CDH4: variants seen among roughly 807,000 people sequenced by gnomAD.
CDH4 encodes cadherin-4.
CDH4 carries 33 observed loss-of-function variants against 86.0 expected under a neutral mutation model. The observed-to-expected ratio is 0.38, with a 90% CI of 0.29 to 0.51. The LOEUF (loss-of-function observed/expected upper bound fraction) is 0.51, where lower values mean the gene tolerates loss of function less well. CDH4 is among the 20% of genes least tolerant of loss of function. The pLI, the probability that CDH4 is intolerant of heterozygous loss-of-function variation, is 0.86. For synonymous variants in CDH4, 555 were observed against 549.4 expected (o/e 1.01, Z -0.14); for missense variants, 1,114 against 1,307.4 (o/e 0.85, Z 2.28).
Position 61,565,281 on chromosome 20 carries a change from ATGGGGTGATGGTGGTGGCGGTGCTCT to A in CDH4, c.170-178278_170-178253del, listed in dbSNP as rs1568688808. Among the ~76,000 whole-genome samples, 62 of 56,492 alleles carry A rather than the reference ATGGGGTGATGGTGGTGGCGGTGCTCT, an allele frequency of 1.1e-3. 8 individuals carry two copies. Among genetic ancestry groups the A allele is most frequent in the Admixed American group, 2.1e-3 (10 of 4,834 alleles). The allele number at this position is 56,492 out of a possible 152,430, so 37.1% of individuals were successfully genotyped here. A position where few individuals can be genotyped will look rare whatever the true frequency, so the allele number is the denominator to read the frequency against. On this transcript the variant is annotated intron_variant, in intron 2 of 15. Coordinates refer to ENST00000614565, the MANE Select transcript of CDH4 (RefSeq NM_001794.5). ...GATGGTGGTGGTGGTCCTCTTGGTG[ATGGGGTGATGGTGGTGGCGGTGCTCT>A]TGGTGGTGGCGGTGCTCTTGGTGAT...
chr20:61,437,980 G>C (rs2085294191), intron 2 of CDH4, among the ~76,000 whole-genome samples: 1 of 152,176 alleles, frequency 6.6e-6, no homozygotes, highest in Non-Finnish European at 1.5e-5. Context: ...GAACCACTCA[G>C]CTCCACCACT....
At chr20:61,706,560 C>T (rs2087832564) in intron 2 of CDH4, among the ~76,000 whole-genome samples, 1 of 152,162 alleles carries the variant, frequency 6.6e-6, no homozygotes, top group African/African-American at 2.4e-5. Context: ...GAAAGGCCAG[C>T]CCAAATGGAA....
At chr20:61,339,328 A>G (rs1227707007) in intron 2 of CDH4, among the ~76,000 whole-genome samples, 1 of 152,148 alleles carries the variant, frequency 6.6e-6, no homozygotes, top group African/African-American at 2.4e-5. Flanking sequence ...GATGGTGATG[A>G]TGATGATGGT....
At position 61,773,352 on chromosome 20, in the gene CDH4, G is replaced by A. The variant is rs190168347; in HGVS notation, c.576+170G>A. Among the ~76,000 whole-genome samples the A allele has an allele frequency of 1.1e-4, 17 of 152,348 alleles. No homozygotes were observed. In the South Asian group the frequency reaches 1.9e-3, roughly 17 times the overall value. ...ACACAGCGCGATGAAAAATTCAGGCGGGGAAGCTGCGTCCTCCGCGGTGGA... is the reference window on the plus strand; with the variant it reads ...ACACAGCGCGATGAAAAATTCAGGCAGGGAAGCTGCGTCCTCCGCGGTGGA... On this transcript the variant is annotated intron_variant, in intron 4 of 15. Transcript: ENST00000614565.
rs1027824125 is a variant in CDH4 at position 61,724,621 on chromosome 20, T to C, written c.170-18942T>C. Among the ~76,000 whole-genome samples the C allele has an allele frequency of 7.2e-4, 110 of 152,194 alleles. 2 individuals are homozygous for C. The highest frequency in any genetic ancestry group is 1.2e-3 in the African/African-American group (51 of 41,456). On this transcript the variant is annotated intron_variant, in intron 2 of 15. Transcript: ENST00000614565. ...GCCCCTTCGCCCCGACCCCGGGCTG[T>C]ACTGTGGCCATCAGGGCTGTCCACT...
In CDH4 at chr20:61,553,920, G is replaced by A. The variant is rs1165183737; in HGVS notation, c.170-189643G>A. 3.3e-5 allele frequency among the ~76,000 whole-genome samples: 5 copies of A among 152,152 alleles called. 1 individual carries two copies. The highest frequency in any genetic ancestry group is 2.6e-4 in the Admixed American group (4 of 15,282). Reference sequence around the variant, plus strand: ...ACTGTGAGCTTCAAGGTGAGCCTCAGATGCAACTAATAATTTACAGCATTG... The same window carrying A: ...ACTGTGAGCTTCAAGGTGAGCCTCAAATGCAACTAATAATTTACAGCATTG... On this transcript the variant is annotated intron_variant, in intron 2 of 15. Transcript: ENST00000614565.
Position 61,254,831 on chromosome 20 carries a change from T to G in CDH4, c.63T>G (p.His21Gln), listed in dbSNP as rs1568769015. The G allele has an allele frequency of 9.4e-6, 15 of 1,590,430 alleles. No individual in the cohort carries two copies. The highest frequency in any genetic ancestry group is 1.3e-5 in the Non-Finnish European group (15 of 1,158,520). Residue 21 changes from histidine (H) to glutamine (Q), a missense_variant, in exon 2 of 16, where the codon CAT becomes CAG. Transcript: ENST00000614565. Reference sequence around the variant, plus strand: ...TCTCCCCTTTGTGTTCTCAGGCCCATAATGAGGATCTTACAACTAGAGAGA... The same window carrying G: ...TCTCCCCTTTGTGTTCTCAGGCCCAGAATGAGGATCTTACAACTAGAGAGA... ...LLSLSGALRA[H>Q]NEDLTTRETC... is the part of the protein sequence containing the mutation.
chr20:61,630,822 C>G (rs2086880090), intron 2 of CDH4, among the ~76,000 whole-genome samples: 1 of 152,200 alleles, frequency 6.6e-6, no homozygotes, highest in South Asian at 2.1e-4. Flanking sequence ...TATTCATTCA[C>G]CAAACCCGTC....
chr20:61,652,938 A>ATTTTTTT (rs763918382), intron 2 of CDH4, among the ~76,000 whole-genome samples: 1 of 97,432 alleles, frequency 1.0e-5, no homozygotes, highest in Non-Finnish European at 2.4e-5. Context: ...TTATTTATTT[A>ATTTTTTT]TTTTTTTTTT....
intron 2 of CDH4, among the ~76,000 whole-genome samples, chr20:61,264,472 C>T (rs865992988): frequency 2.8e-3 from 418 of 147,642 alleles, no homozygotes; most frequent in African/African-American, 0.01. Flanking sequence ...CCCAGTGGCT[C>T]CTTCATTCAG....
rs79436459 is a variant in CDH4, at chr20:61,354,362, C to T, written c.169+99425C>T. ...TCCAAGACTTACCTCTTCCTGGCAACGTGACCTCTCTGAACCACGGTTTCC... is the reference window on the plus strand; with the variant it reads ...TCCAAGACTTACCTCTTCCTGGCAATGTGACCTCTCTGAACCACGGTTTCC... On this transcript the variant is annotated intron_variant, in intron 2 of 15. Transcript: ENST00000614565. Among the ~76,000 whole-genome samples the T allele has an allele frequency of 1.2e-3, 179 of 152,310 alleles. 1 individual carries two copies. Among genetic ancestry groups the T allele is most frequent in the South Asian group, 1.7e-3 (8 of 4,826 alleles).
chr20:61,538,888 T>C (rs2086018219), intron 2 of CDH4, among the ~76,000 whole-genome samples: 1 of 152,186 alleles, frequency 6.6e-6, no homozygotes, highest in Non-Finnish European at 1.5e-5. Flanking sequence ...GAGGCTCTGA[T>C]GTTTGTGCAG....
chr20:61,349,362 G>A (rs1211587764), intron 2 of CDH4, among the ~76,000 whole-genome samples: 1 of 152,244 alleles, frequency 6.6e-6, no homozygotes, highest in Non-Finnish European at 1.5e-5. Context: ...GTGCTGGGTA[G>A]GATTCAGCAC....
intron 2 of CDH4, among the ~76,000 whole-genome samples, chr20:61,550,246 T>C (rs1489586025): frequency 6.3e-4 from 65 of 102,990 alleles, no homozygotes; most frequent in Admixed American, 8.1e-4. Flanking sequence ...TCTCTGGCTT[T>C]CCTAGCTTGC....
intron 2 of CDH4, among the ~76,000 whole-genome samples, chr20:61,706,058 A>C (rs1202876808): frequency 2.0e-5 from 3 of 152,202 alleles, no homozygotes; most frequent in Non-Finnish European, 2.9e-5. Flanking sequence ...GACAGAGAGC[A>C]AGCCGTCCCA....
intron 2 of CDH4, among the ~76,000 whole-genome samples, chr20:61,604,363 G>A (rs1008637911): frequency 5.3e-5 from 8 of 152,166 alleles, no homozygotes; most frequent in Non-Finnish European, 7.3e-5. Flanking sequence ...GATGATCTCC[G>A]ATGAGTTATT....
At chr20:61,634,274 G>C (rs1878595903) in intron 2 of CDH4, among the ~76,000 whole-genome samples, 1 of 152,144 alleles carries the variant, frequency 6.6e-6, no homozygotes, top group Non-Finnish European at 1.5e-5. Context: ...GGACAGAAAT[G>C]GGCTCATTTA....
At position 61,426,311 on chromosome 20, in the gene CDH4, T is replaced by C. The variant is rs542925930; in HGVS notation, c.169+171374T>C. The stretch of plus-strand genomic sequence containing the variant: ...GGCTTAATATATTAAGGATGGGAAA[T>C]ATAGGAAGATGCAGGTACCTATAAT... On this transcript the variant is annotated intron_variant, in intron 2 of 15. Coordinates refer to ENST00000614565, the MANE Select transcript of CDH4 (RefSeq NM_001794.5). Among the ~76,000 whole-genome samples, 6 of 152,220 alleles carry C rather than the reference T, an allele frequency of 3.9e-5. No individual in the cohort carries two copies. In the South Asian group the frequency reaches 1.2e-3, roughly 32 times the overall value.
At chr20:61,515,799 C>T (rs1428920090) in intron 2 of CDH4, among the ~76,000 whole-genome samples, 4 of 152,054 alleles carry the variant, frequency 2.6e-5, no homozygotes, top group African/African-American at 7.2e-5. Context: ...TTTTTTTGTT[C>T]TTGTCGGAAA....
Sources: gnomAD v4.1 joint callset for allele counts (sites outside exome capture counted in the v4.1 genomes callset) on GRCh38, gnomAD v4.1.1 for gene constraint, MANE v1.5 for transcripts, NCBI Gene and HGNC (gene_info 2026-07-23, HGNC 2026-07-21) for gene names.